The following TOP2B variants were observed in gnomAD, a reference collection of about 807,000 sequenced individuals.
TOP2B encodes the protein DNA topoisomerase 2-beta.
TOP2B carries 51 observed loss-of-function variants against 193.5 expected under a neutral mutation model. The ratio of observed to expected loss-of-function variants is 0.26; its 90% CI spans 0.21 to 0.33. The LOEUF (loss-of-function observed/expected upper bound fraction) is 0.33. Ranked by LOEUF, TOP2B falls within the 10% of genes least tolerant of loss-of-function variation. The probability of loss-of-function intolerance (pLI) is 1.00; values close to 1 mark genes in which losing one functional copy is unlikely to be tolerated. For missense variants in TOP2B, 1,378 were observed against 1,909.3 expected, an observed-to-expected ratio of 0.72 and a Z score of 5.19; for synonymous variants, 634 against 635.7, an observed-to-expected ratio of 1.00 and a Z score of 0.04.
chr3:25,656,776 C>CT, intron 1 of TOP2B, among the ~76,000 whole-genome samples: 1 of 152,260 alleles, frequency 6.6e-6, no homozygotes, highest in East Asian at 1.9e-4. Context: ...TAAAAATTAT[C>CT]TATAGAGTAG....
Position 25,630,670 on chromosome 3 carries a change from A to C in TOP2B, c.1405+131T>G. ...ATTAGTAATATGTTGTGTATGTGAT[A>C]ATTTCAATGAAGTAAAATCATACTC... On this transcript the variant is annotated intron_variant, in intron 11 of 35. Transcript: ENST00000264331. 4 of 965,070 alleles carry C rather than the reference A, an allele frequency of 4.1e-6. No homozygotes were observed. The South Asian group carries it at 9.0e-5, about 22-fold the overall frequency. The allele number at this position is 965,070 out of a possible 1,614,324, so 59.8% of individuals were successfully genotyped here.
At chr3:25,647,950 G>T (rs372408671) in intron 1 of TOP2B, among the ~76,000 whole-genome samples, 19 of 152,298 alleles carry the variant, frequency 1.2e-4, no homozygotes, top group East Asian at 7.7e-4. Context: ...ATAAGTTCCA[G>T]CACCCCAGGT....
intron 31 of TOP2B, among the ~76,000 whole-genome samples, chr3:25,606,808 T>C (rs966235245): frequency 4.6e-5 from 7 of 152,200 alleles, no homozygotes; most frequent in African/African-American, 1.2e-4. Flanking sequence ...CTATATCCCA[T>C]GGACCTGCTG....
intron 28 of TOP2B, among the ~76,000 whole-genome samples, chr3:25,610,174 ACT>A (rs1208674252): frequency 6.6e-6 from 1 of 151,256 alleles, no homozygotes; most frequent in Non-Finnish European, 1.5e-5. Context: ...CAAAAGCGAA[ACT>A]CTGTCTCAAA....
chr3:25,658,697 T>C (rs920972236), intron 1 of TOP2B, among the ~76,000 whole-genome samples: 2 of 152,202 alleles, frequency 1.3e-5, no homozygotes, highest in Non-Finnish European at 2.9e-5. Flanking sequence ...TTTTGCAATA[T>C]TGCTAATGCC....
chr3:25,648,594 C>A lies in TOP2B; in HGVS notation c.70-3124G>T, dbSNP rs370368721. 4.4e-4 allele frequency among the ~76,000 whole-genome samples: 67 copies of A among 152,348 alleles called. No individual in the cohort carries two copies. The South Asian group carries it at 0.014, about 31-fold the overall frequency. ...AATTGCAGCCAGGCGCAGTGGCTCACACCTGTAATCCCAGCACTTTGGGAG... is the reference window on the plus strand; with the variant it reads ...AATTGCAGCCAGGCGCAGTGGCTCAAACCTGTAATCCCAGCACTTTGGGAG... On this transcript the variant is annotated intron_variant, in intron 1 of 35. Transcript: ENST00000264331.
At chr3:25,620,534 G>A in intron 22 of TOP2B, 148 bp downstream of exon 22, 2 of 767,504 alleles carry the variant, frequency 2.6e-6, no homozygotes, top group Middle Eastern at 2.4e-4. Flanking sequence ...AATATTCAAA[G>A]CACAAATTCA....
At chr3:25,620,581 A>C in intron 22 of TOP2B, 101 bp downstream of exon 22, 1 of 1,278,874 alleles carries the variant, frequency 7.8e-7, no homozygotes, top group Non-Finnish European at 1.1e-6. Flanking sequence ...ATTTTTTAAC[A>C]CTACGCACGC....
chr3:25,623,885 T>C lies in TOP2B; in HGVS notation c.2496-139A>G, dbSNP rs1702727877. On this transcript the variant is annotated intron_variant, in intron 20 of 35. Transcript: ENST00000264331. ...TTTTAATAATTTTGATTACATCCGC[T>C]TAATAATAAAATTTGCCTAACTGTA... 7 of 647,546 alleles carry C rather than the reference T, an allele frequency of 1.1e-5. No homozygotes were observed. In the South Asian group the frequency reaches 1.4e-4, roughly 13 times the overall value. 40.1% of individuals were successfully genotyped at this position (647,546 alleles called of 1,614,324 possible). A position where few individuals can be genotyped will look rare whatever the true frequency, so the allele number is the denominator to read the frequency against.
intron 10 of TOP2B, 67 bp downstream of exon 10, chr3:25,632,379 G>T: frequency 7.4e-7 from 1 of 1,352,164 alleles, no homozygotes; most frequent in Non-Finnish European, 1.0e-6. Flanking sequence ...CACAAATAAA[G>T]TAAATCAAGA....
chr3:25,635,867 A>ATATATTAAATATATAT, intron 7 of TOP2B, 69 bp downstream of exon 7: 1 of 1,361,642 alleles, frequency 7.3e-7, no homozygotes, highest in East Asian at 2.4e-5. Context: ...GAGCTTTAAA[A>ATATATTAAATATATAT]AAGGAAGACC....
chr3:25,630,490 T>C (rs1335345025), intron 11 of TOP2B, 21 bp from the exon 12 acceptor site: 1 of 1,503,934 alleles, frequency 6.6e-7, no homozygotes, highest in South Asian at 1.3e-5. Context: ...TTTAAAATTA[T>C]ACATAGTAAA....
chr3:25,600,124 C>T (rs1702051503), intron 34 of TOP2B, among the ~76,000 whole-genome samples: 2 of 152,172 alleles, frequency 1.3e-5, no homozygotes, highest in South Asian at 4.1e-4. Context: ...CAGACCTAGA[C>T]TCAGCACATG....
At chr3:25,620,376 T>C (rs1702627942) in intron 22 of TOP2B, among the ~76,000 whole-genome samples, 1 of 152,098 alleles carries the variant, frequency 6.6e-6, no homozygotes, top group Non-Finnish European at 1.5e-5. Flanking sequence ...AAGCTGATGC[T>C]GACATGAATT....
chr3:25,650,311 C>G (rs772208998), intron 1 of TOP2B, among the ~76,000 whole-genome samples: 5 of 152,286 alleles, frequency 3.3e-5, no homozygotes, highest in Non-Finnish European at 7.4e-5. Flanking sequence ...AGTCAACAAG[C>G]AAAATGCCTT....
intron 27 of TOP2B, 61 bp from the exon 28 acceptor site, chr3:25,612,770 C>T: frequency 1.6e-6 from 2 of 1,284,838 alleles, no homozygotes; most frequent in Non-Finnish European, 2.2e-6. Flanking sequence ...ATAATCACTA[C>T]TTCATAAAAT....
chr3:25,633,613 G>A (rs1249605555), intron 8 of TOP2B, among the ~76,000 whole-genome samples: 1 of 152,128 alleles, frequency 6.6e-6, no homozygotes. Flanking sequence ...ATATAAATAT[G>A]TTCAACTACA....
chr3:25,619,951 T>C lies in TOP2B; in HGVS notation c.2974A>G (p.Lys992Glu). 6.2e-7 allele frequency: 1 copy of C among 1,613,334 alleles called. No homozygotes were observed. Among genetic ancestry groups the C allele is most frequent in the Non-Finnish European group, 8.5e-7 (1 of 1,179,668 alleles). ...TGTGCTAGTTTCTCTTCAGTCATTT[T>C]CACCACAAATTTCACAGTTGTGTCA... is the stretch of plus-strand genomic sequence containing the variant. ...HTDTTVKFVV[K>E]MTEEKLAQAE... The change falls in exon 23 of 36, where the codon AAA (lysine) becomes GAA (glutamate). Residue 992 changes from lysine (K) to glutamate (E), a missense_variant. This residue lies in a region of TOP2B where 379 missense variants were observed against 615.1 expected (regional missense o/e 0.62). Transcript: ENST00000264331.
At chr3:25,637,094 T>C in intron 6 of TOP2B, 121 bp downstream of exon 6, 2 of 715,624 alleles carry the variant, frequency 2.8e-6, no homozygotes, top group Non-Finnish European at 4.7e-6. Context: ...ACTTGGATAA[T>C]GCTTTGGAAA....
Sources: gnomAD v4.1 joint callset for allele counts (sites outside exome capture counted in the v4.1 genomes callset) on GRCh38, gnomAD v4.1.1 for gene constraint, gnomAD v4.1.1 regional missense constraint, MANE v1.5 for transcripts, NCBI Gene and HGNC (gene_info 2026-07-23, HGNC 2026-07-21) for gene names.